Variants in DLG2 observed in about 807,000 individuals in gnomAD.
The protein encoded by DLG2 is discs large MAGUK scaffold protein 2.
Under a neutral mutation model 132.5 loss-of-function variants are expected in DLG2, and 45 were observed. The ratio of observed to expected loss-of-function variants is 0.34; its 90% CI spans 0.27 to 0.44. The LOEUF (loss-of-function observed/expected upper bound fraction) is 0.44, where lower values mean the gene tolerates loss of function less well. DLG2 is among the 20% of genes least tolerant of loss of function. The pLI is 1.00. For synonymous variants in DLG2, 424 were observed against 419.6 expected (o/e 1.01, Z -0.13); for missense variants, 1,045 against 1,196.9 (o/e 0.87, Z 1.87).
intron 11 of DLG2, among the ~76,000 whole-genome samples, chr11:84,035,994 T>G (rs949025566): frequency 6.6e-6 from 1 of 151,872 alleles, no homozygotes. Flanking sequence ...AAATTAAGAG[T>G]TGTGTTTTGT....
chr11:83,819,539 ATTC>A (rs1209123364), intron 17 of DLG2, among the ~76,000 whole-genome samples: 9 of 148,122 alleles, frequency 6.1e-5, no homozygotes, highest in African/African-American at 1.7e-4. Flanking sequence ...TATAGTCTTC[ATTC>A]TTCTTAATTC....
At chr11:84,085,251 T>G (rs1594901170) in intron 10 of DLG2, among the ~76,000 whole-genome samples, 2 of 152,226 alleles carry the variant, frequency 1.3e-5, no homozygotes, top group East Asian at 3.8e-4. Context: ...TTTAAATATA[T>G]TTTTCTACCT....
intron 18 of DLG2, among the ~76,000 whole-genome samples, chr11:83,683,249 G>T (rs2079137218): frequency 6.6e-6 from 1 of 152,134 alleles, no homozygotes; most frequent in Admixed American, 6.6e-5. Context: ...TAAATGCTTA[G>T]CATGTATTGA....
chr11:84,649,636 A>C (rs1446095819), intron 6 of DLG2, among the ~76,000 whole-genome samples: 2 of 152,212 alleles, frequency 1.3e-5, no homozygotes, highest in Non-Finnish European at 2.9e-5. Flanking sequence ...AAGTTATGCA[A>C]AAATGTATTT....
intron 4 of DLG2, among the ~76,000 whole-genome samples, chr11:85,217,794 T>C (rs1223692439): frequency 1.3e-5 from 2 of 152,358 alleles, no homozygotes; most frequent in Non-Finnish European, 2.9e-5. Context: ...CTGGTTTATT[T>C]AAAAGTTACC....
At chr11:85,502,706 G>A (rs2093833447) in intron 3 of DLG2, among the ~76,000 whole-genome samples, 1 of 151,822 alleles carries the variant, frequency 6.6e-6, no homozygotes, top group South Asian at 2.1e-4. Flanking sequence ...TGCACGTGGG[G>A]CTTAAAACCT....
At chr11:83,478,080 C>T (rs1353112174) in intron 22 of DLG2, among the ~76,000 whole-genome samples, 8 of 152,062 alleles carry the variant, frequency 5.3e-5, no homozygotes, top group Non-Finnish European at 7.4e-5. Flanking sequence ...ATATCTCTCT[C>T]CTACTATTAT....
chr11:84,616,602 G>A (rs1443576230), intron 6 of DLG2, among the ~76,000 whole-genome samples: 1 of 152,038 alleles, frequency 6.6e-6, no homozygotes, highest in Non-Finnish European at 1.5e-5. Context: ...TTTTAAATCA[G>A]AAAACCCACA....
At chr11:84,384,230 C>T (rs1178188302) in intron 7 of DLG2, among the ~76,000 whole-genome samples, 1 of 151,444 alleles carries the variant, frequency 6.6e-6, no homozygotes, top group Non-Finnish European at 1.5e-5. Context: ...TATAAGCCTA[C>T]ATCTTAAAAA....
At chr11:85,440,003 GA>G (rs544908437) in intron 3 of DLG2, among the ~76,000 whole-genome samples, 212 of 152,244 alleles carry the variant, frequency 1.4e-3, no homozygotes, top group Non-Finnish European at 2.2e-3. Flanking sequence ...GTCTGGATTT[GA>G]ATTCCACCTC....
chr11:84,376,576 T>C (rs1186146992), intron 7 of DLG2, among the ~76,000 whole-genome samples: 1 of 151,946 alleles, frequency 6.6e-6, no homozygotes, highest in Admixed American at 6.6e-5. Context: ...AAACTTTTCA[T>C]GAACCCAAGA....
intron 8 of DLG2, among the ~76,000 whole-genome samples, chr11:84,226,076 G>A (rs1023689584): frequency 1.3e-5 from 2 of 152,204 alleles, no homozygotes; most frequent in African/African-American, 2.4e-5. Flanking sequence ...CTCCCAAAGC[G>A]TTGGGATTAC....
intron 3 of DLG2, among the ~76,000 whole-genome samples, chr11:85,513,138 C>A (rs533308410): frequency 6.6e-6 from 1 of 151,854 alleles, no homozygotes; most frequent in African/African-American, 2.4e-5. Context: ...GGGAGCTAAA[C>A]ATTGAGTGTA....
At chr11:85,322,555 T>A (rs1023727666) in intron 3 of DLG2, among the ~76,000 whole-genome samples, 4 of 152,150 alleles carry the variant, frequency 2.6e-5, no homozygotes, top group Non-Finnish European at 4.4e-5. Flanking sequence ...TTTTCCACAA[T>A]GAAAATTTTC....
At chr11:83,762,880 C>A (rs1225673713) in intron 18 of DLG2, among the ~76,000 whole-genome samples, 1 of 152,168 alleles carries the variant, frequency 6.6e-6, no homozygotes, top group African/African-American at 2.4e-5. Context: ...TGTGCCTGGC[C>A]AAGTATTAAA....
chr11:83,750,706 A>C (rs935413943), intron 18 of DLG2, among the ~76,000 whole-genome samples: 7 of 152,206 alleles, frequency 4.6e-5, no homozygotes, highest in African/African-American at 1.2e-4. Context: ...TGAGAGCCCC[A>C]AAAAAGTTAA....
chr11:84,016,692 T>G (rs1282191400), intron 11 of DLG2, among the ~76,000 whole-genome samples: 1 of 151,978 alleles, frequency 6.6e-6, no homozygotes, highest in African/African-American at 2.4e-5. Context: ...GTTCTCTATT[T>G]TGTTCCATTG....
intron 7 of DLG2, among the ~76,000 whole-genome samples, chr11:84,477,198 A>G (rs2099124055): frequency 1.3e-5 from 2 of 152,114 alleles, no homozygotes. Context: ...TTCCTTTTAA[A>G]TAATGGCAAC....
At chr11:84,662,061 G>A (rs1477218704) in intron 6 of DLG2, among the ~76,000 whole-genome samples, 1 of 151,910 alleles carries the variant, frequency 6.6e-6, no homozygotes. Context: ...ACCACAAATG[G>A]AAACACATGT....
Sources: gnomAD v4.1 joint callset for allele counts (sites outside exome capture counted in the v4.1 genomes callset) on GRCh38, gnomAD v4.1.1 for gene constraint, MANE v1.5 for transcripts, NCBI Gene and HGNC (gene_info 2026-07-23, HGNC 2026-07-21) for gene names.